The following PLS3 variants were observed in gnomAD, a reference collection of about 807,000 sequenced individuals.
The protein encoded by PLS3 is plastin 3.
PLS3 carries 11 observed loss-of-function variants against 46.5 expected under a neutral mutation model. The ratio of observed to expected loss-of-function variants is 0.24; its 90% CI spans 0.15 to 0.39. PLS3 has a LOEUF of 0.39. Ranked by LOEUF, PLS3 falls within the 10% of genes least tolerant of loss-of-function variation. The pLI is 1.00. For missense variants in PLS3, 308 were observed against 461.8 expected (o/e 0.67, Z 3.05); for synonymous variants, 167 against 162.2 (o/e 1.03, Z -0.22).
At chrX:115,645,940 A>G in intron 11 of PLS3, 132 bp from the exon 12 acceptor site, 2 of 468,001 alleles carry the variant, frequency 4.3e-6, no homozygotes, top group Non-Finnish European at 7.6e-6. Flanking sequence ...GCACAGATTG[A>G]TAGAAAATAT....
chrX:115,629,062 CA>C lies in PLS3; in HGVS notation c.238-134del, dbSNP rs781963252. ...GTACTTGTTTAGCATTTCAAAAACT[CA>C]AGCCCAGTTTTTTGTATCTTTTAAC... is the stretch of plus-strand genomic sequence containing the variant. On this transcript the variant is annotated intron_variant, in intron 3 of 15. Coordinates refer to ENST00000355899, the MANE Select transcript of PLS3 (RefSeq NM_005032.7). 32 of 455,666 alleles carry C rather than the reference CA, an allele frequency of 7.0e-5. No individual in the cohort carries two copies. In the African/African-American group the frequency reaches 7.4e-4, roughly 11 times the overall value. The allele number at this position is 455,666 out of a possible 1,213,427, so 37.6% of individuals were successfully genotyped here.
rs2074966823 is a variant in PLS3 at position 115,647,686 on chromosome X, A to G, written c.1635+13A>G. On this transcript the variant is annotated intron_variant, in intron 14 of 15. Transcript: ENST00000355899. ...TCAGAGTTTTAAGGTCAGAATCCATATTTGACTATTAAATATTATGTTTGC... is the reference window on the plus strand; with the variant it reads ...TCAGAGTTTTAAGGTCAGAATCCATGTTTGACTATTAAATATTATGTTTGC... 1.7e-6 allele frequency: 2 copies of G among 1,195,330 alleles called. No homozygotes were observed. The highest frequency in any genetic ancestry group is 3.6e-5 in the South Asian group (2 of 56,096).
chrX:115,587,757 C>G (rs1556632644), intron 1 of PLS3, among the ~76,000 whole-genome samples: 1 of 109,257 alleles, frequency 9.2e-6, no homozygotes, highest in East Asian at 2.9e-4. Flanking sequence ...AAAAAGACAA[C>G]CAGTTTTACT....
chrX:115,615,666 TA>T (rs1212249171), intron 2 of PLS3, among the ~76,000 whole-genome samples: 146 of 108,972 alleles, frequency 1.3e-3, no homozygotes, highest in African/African-American at 4.2e-3. Flanking sequence ...TTTCTTCTTT[TA>T]AAAAAAAACG....
intron 2 of PLS3, among the ~76,000 whole-genome samples, chrX:115,611,366 T>G (rs1387994287): frequency 1.8e-5 from 2 of 112,444 alleles, no homozygotes; most frequent in African/African-American, 6.5e-5. Context: ...TGTGTGTGTA[T>G]AAAAATAGCA....
At chrX:115,565,194 G>A (rs1415992037) in intron 1 of PLS3, among the ~76,000 whole-genome samples, 2 of 111,200 alleles carry the variant, frequency 1.8e-5, no homozygotes, top group Non-Finnish European at 3.8e-5. Context: ...ATCATACTTG[G>A]GCCAATTTAT....
At chrX:115,624,786 A>G (rs1603238515) in intron 3 of PLS3, among the ~76,000 whole-genome samples, 2 of 112,361 alleles carry the variant, frequency 1.8e-5, no homozygotes, top group East Asian at 2.8e-4. Context: ...TAAGAAAACA[A>G]CATTCGTGAG....
chrX:115,643,106 G>A (rs2074914691), intron 9 of PLS3, among the ~76,000 whole-genome samples: 1 of 111,392 alleles, frequency 9.0e-6, no homozygotes, highest in Non-Finnish European at 1.9e-5. Flanking sequence ...GTAGTTTGCT[G>A]TGTGATCTGG....
intron 3 of PLS3, chrX:115,624,416 A>G (rs2074690676): frequency 9.0e-6 from 1 of 111,406 alleles, no homozygotes; most frequent in African/African-American, 3.3e-5. Context: ...GAGCACTTGC[A>G]TGTTTTCTGA....
intron 1 of PLS3, among the ~76,000 whole-genome samples, chrX:115,588,260 A>G (rs2074322827): frequency 8.9e-6 from 1 of 112,125 alleles, no homozygotes; most frequent in Non-Finnish European, 1.9e-5. Context: ...GAATATCTGT[A>G]AGTATCTGGA....
chrX:115,639,168 G>T (rs1460719201), intron 8 of PLS3, among the ~76,000 whole-genome samples: 1 of 112,055 alleles, frequency 8.9e-6, no homozygotes, highest in Non-Finnish European at 1.9e-5. Context: ...CTTCTCAAGA[G>T]CATAGGTTTA....
intron 8 of PLS3, among the ~76,000 whole-genome samples, chrX:115,638,722 T>TA (rs34220546): frequency 0.24 from 25,972 of 109,453 alleles, 3,085 homozygotes; most frequent in South Asian, 0.46. Flanking sequence ...TTTGTTTATT[T>TA]TTTTTTTTGA....
intron 1 of PLS3, among the ~76,000 whole-genome samples, chrX:115,602,052 A>G (rs1280197231): frequency 9.0e-6 from 1 of 111,715 alleles, no homozygotes; most frequent in Non-Finnish European, 1.9e-5. Flanking sequence ...GAATGCCCTT[A>G]CTGGGGATGT....
chrX:115,646,650 A>C, intron 13 of PLS3, 115 bp downstream of exon 13: 2 of 637,299 alleles, frequency 3.1e-6, no homozygotes, highest in South Asian at 8.6e-5. Context: ...AATATGTTAT[A>C]TTTACACTCC....
chrX:115,646,357 T>C, intron 12 of PLS3, 45 bp from the exon 13 acceptor site: 2 of 1,181,593 alleles, frequency 1.7e-6, no homozygotes, highest in Non-Finnish European at 2.3e-6. Flanking sequence ...GTATGCAGAT[T>C]AAACAAATGG....
chrX:115,643,673 A>T (rs1250449396), intron 10 of PLS3, among the ~76,000 whole-genome samples, 165 bp downstream of exon 10: 1 of 112,380 alleles, frequency 8.9e-6, no homozygotes, highest in Non-Finnish European at 1.9e-5. Flanking sequence ...GTGAACTTTT[A>T]AAGTAAAGTA....
chrX:115,600,900 A>G (rs1303276960), intron 1 of PLS3, among the ~76,000 whole-genome samples: 1 of 110,714 alleles, frequency 9.0e-6, no homozygotes, highest in Non-Finnish European at 1.9e-5. Flanking sequence ...GAGGAAAAAT[A>G]GAGGAGAGTA....
chrX:115,610,793 G>A, intron 2 of PLS3: 1 of 836,374 alleles, frequency 1.2e-6, no homozygotes, highest in Non-Finnish European at 1.6e-6. Flanking sequence ...TGTGCCTTTG[G>A]TTACTGCAGA....
rs1038270521 is a variant in PLS3 at position 115,566,214 on chromosome X, G to T, written c.-9+4954G>T. ...ACAGAAATGGCAGGGTTCTCATCAC[G>T]TAAGTCTTGCCACATTTTTCTTTGT... On this transcript the variant is annotated intron_variant, in intron 1 of 15. Coordinates refer to ENST00000355899, the MANE Select transcript of PLS3 (RefSeq NM_005032.7). 5.3e-5 allele frequency among the ~76,000 whole-genome samples: 6 copies of T among 112,151 alleles called. No individual in the cohort carries two copies. In the East Asian group the frequency reaches 1.4e-3, roughly 26 times the overall value.
Sources: gnomAD v4.1 joint callset for allele counts (sites outside exome capture counted in the v4.1 genomes callset) on GRCh38, gnomAD v4.1.1 for gene constraint, MANE v1.5 for transcripts, NCBI Gene and HGNC (gene_info 2026-07-23, HGNC 2026-07-21) for gene names.